IQSEC2: variants seen among roughly 807,000 people sequenced by gnomAD.
IQSEC2 encodes the protein IQ motif and Sec7 domain ArfGEF 2.
Under a neutral mutation model 74.6 loss-of-function variants are expected in IQSEC2, and 6 were observed. The observed-to-expected ratio is 0.08, with a 90% CI of 0.04 to 0.16. The LOEUF (loss-of-function observed/expected upper bound fraction) is 0.16, where lower values mean the gene tolerates loss of function less well. IQSEC2 is among the 10% of genes least tolerant of loss of function. The pLI is 1.00. For synonymous variants in IQSEC2, 494 were observed against 544.5 expected, an observed-to-expected ratio of 0.91 and a Z score of 1.29; for missense variants, 734 against 1,306.2, an observed-to-expected ratio of 0.56 and a Z score of 6.75.
At position 53,268,134 on chromosome X, in the gene IQSEC2, G is replaced by C. The variant is rs1308599902; in HGVS notation, c.738-12073C>G. On this transcript the variant is annotated intron_variant, in intron 2 of 14. Transcript: ENST00000642864. The stretch of plus-strand genomic sequence containing the variant: ...GGGCTGGGAGGGGACCAGGTGACTT[G>C]GGAGTGACAAGGCTGACCTTCTGGG... Among the ~76,000 whole-genome samples the C allele has an allele frequency of 2.7e-5, 3 of 111,394 alleles. No individual in the cohort carries two copies. In the Admixed American group the frequency reaches 2.9e-4, roughly 11 times the overall value.
intron 1 of IQSEC2, 44 bp from the exon 2 acceptor site, chrX:53,291,968 G>C: frequency 8.9e-7 from 1 of 1,121,994 alleles, no homozygotes; most frequent in South Asian, 2.0e-5. Context: ...GTCAGTATAC[G>C]CTCTCTTCTC....
Position 53,251,122 on chromosome X carries a change from C to T in IQSEC2, c.1454G>A (p.Gly485Glu), listed in dbSNP as rs1556863543. Residue 485 changes from glycine to glutamate, a missense_variant, in exon 5 of 15, where the codon GGG becomes GAG. Transcript: ENST00000642864. ...IDEALNCHPS[G>E]PMSEEPGSAQ... ...TGACCCTGGCTCCTCAGACATGGGC[C>T]CTGACGGGTGGCAGTTCAGGGCTTC... 2 of 1,210,042 alleles carry T rather than the reference C, an allele frequency of 1.7e-6. No individual in the cohort carries two copies. Among genetic ancestry groups the T allele is most frequent in the African/African-American group, 3.5e-5 (2 of 57,127 alleles).
rs147442708 is a variant in IQSEC2 at position 53,241,065 on chromosome X, C to T, written c.3015+719G>A. Among the ~76,000 whole-genome samples the T allele has an allele frequency of 3.9e-3, 432 of 111,407 alleles. 3 individuals are homozygous for T. Among genetic ancestry groups the T allele is most frequent in the African/African-American group, 0.014 (416 of 30,724 alleles). On this transcript the variant is annotated intron_variant, in intron 10 of 14. Coordinates refer to ENST00000642864, the MANE Select transcript of IQSEC2 (RefSeq NM_001111125.3). ...TGCTGGGATTACAGGCATGAGCCAC[C>T]GTGCCTGGCCCAAGCATCTTTTTTA... is the stretch of plus-strand genomic sequence containing the variant.
intron 1 of IQSEC2, among the ~76,000 whole-genome samples, chrX:53,310,450 C>T (rs782336374): frequency 9.0e-6 from 1 of 111,517 alleles, no homozygotes; most frequent in South Asian, 3.8e-4. Flanking sequence ...GCATTGTTAT[C>T]CCATTTTACA....
intron 1 of IQSEC2, among the ~76,000 whole-genome samples, chrX:53,300,442 C>T (rs1399522867): frequency 2.7e-5 from 3 of 110,835 alleles, no homozygotes; most frequent in African/African-American, 9.9e-5. Flanking sequence ...GTATCCTTTT[C>T]TTGACTCCAT....
intron 2 of IQSEC2, among the ~76,000 whole-genome samples, chrX:53,270,826 C>A (rs1244302148): frequency 1.8e-5 from 2 of 110,443 alleles, no homozygotes; most frequent in African/African-American, 6.6e-5. Context: ...CTCCTCTCTC[C>A]CCGGTTACCT....
At chrX:53,281,629 GGGGCCAGGCCAGCTGGGCTGC>G in intron 2 of IQSEC2, 1 of 944,139 alleles carries the variant, frequency 1.1e-6, no homozygotes, top group South Asian at 2.7e-5. Flanking sequence ...CCAAGAAGGC[GGGGCCAGGCCAGCTGGGCTGC>G]GGGCCAGATT....
At chrX:53,229,316 C>G (rs2146989199), downstream of IQSEC2, 1 of 111,472 alleles carries the variant, frequency 9.0e-6, no homozygotes, top group Non-Finnish European at 1.9e-5. Context: ...ATATATAACC[C>G]ATTGAGTAAA....
At chrX:53,302,669 G>A (rs1301324749) in intron 1 of IQSEC2, among the ~76,000 whole-genome samples, 4 of 112,130 alleles carry the variant, frequency 3.6e-5, no homozygotes, top group Admixed American at 9.4e-5. Context: ...CAGGCACGGC[G>A]GCTCATGCCT....
In IQSEC2 at chrX:53,248,124, C is replaced by T. The variant is rs1376121300; in HGVS notation, c.2572G>A (p.Glu858Lys). The change falls in exon 7 of 15, where the codon GAA becomes AAA. Residue 858 changes from glutamate to lysine, a missense_variant. Physicochemically the swap from Glu to Lys is moderately conservative, Grantham distance 56. Around this residue, in one of 12 missense-constraint regions of IQSEC2, gnomAD observed 18 missense variants for 46.7 expected, o/e 0.39. Transcript: ENST00000642864. ...GGGAGGTAGGCACACCTGAAGGCTT[C>T]GATGAGTCGCTCCACTTTCTGGGCC... ...GEAQKVERLI[E>K]AFSQRYCVCN... The T allele has an allele frequency of 8.3e-7, 1 of 1,209,315 alleles. No individual in the cohort carries two copies. Among genetic ancestry groups the T allele is most frequent in the East Asian group, 3.0e-5 (1 of 33,752 alleles).
At chrX:53,306,963 TGGAAG>T in intron 1 of IQSEC2, among the ~76,000 whole-genome samples, 1 of 110,855 alleles carries the variant, frequency 9.0e-6, no homozygotes, top group Admixed American at 9.6e-5. Flanking sequence ...CAGGGATAAA[TGGAAG>T]GTAAGTATAT....
intron 10 of IQSEC2, 67 bp from the exon 11 acceptor site, chrX:53,239,361 T>G: frequency 1.5e-6 from 1 of 651,014 alleles, no homozygotes; most frequent in Admixed American, 2.5e-5. Context: ...GTGGCACCTA[T>G]TTCTGGTAAC....
Position 53,250,967 on chromosome X carries a change from G to A in IQSEC2, c.1609C>T (p.Pro537Ser). The A allele has an allele frequency of 8.2e-7, 1 of 1,212,141 alleles. No individual in the cohort carries two copies. The highest frequency in any genetic ancestry group is 1.1e-6 in the Non-Finnish European group (1 of 895,538). ...QSPERLPSTE[P>S]PPQGRPEFWA... ...AACTCGGGCCGGCCCTGGGGTGGGG[G>A]TTCTGTGCTGGGCAGTCGCTCAGGG... The change falls in exon 5 of 15, where the codon CCC becomes TCC. Residue 537 changes from proline to serine, a missense_variant. Coordinates refer to ENST00000642864, the MANE Select transcript of IQSEC2 (RefSeq NM_001111125.3).
chrX:53,243,254 G>A lies in IQSEC2; in HGVS notation c.2889+78C>T, dbSNP rs192149576. On this transcript the variant is annotated intron_variant, in intron 9 of 14. Coordinates refer to ENST00000642864, the MANE Select transcript of IQSEC2 (RefSeq NM_001111125.3). ...CAGGTAAAGGGCACCTGGGGCTCAGGGAGGTGCAGTGACTTACCACTTAGT... is the reference window on the plus strand; with the variant it reads ...CAGGTAAAGGGCACCTGGGGCTCAGAGAGGTGCAGTGACTTACCACTTAGT... 5.0e-5 allele frequency: 44 copies of A among 875,023 alleles called. 1 individual carries two copies. In the East Asian group the frequency reaches 1.3e-3, roughly 27 times the overall value. The allele number at this position is 875,023 out of a possible 1,213,427, so 72.1% of individuals were successfully genotyped here.
intron 10 of IQSEC2, 125 bp downstream of exon 10, chrX:53,241,659 G>T (rs782324798): frequency 1.9e-5 from 18 of 942,830 alleles, no homozygotes; most frequent in Non-Finnish European, 2.7e-5. Flanking sequence ...CCATGCAGAT[G>T]GCATGGCAGA....
chrX:53,284,844 C>A (rs1379571536), intron 2 of IQSEC2, among the ~76,000 whole-genome samples: 1 of 111,641 alleles, frequency 9.0e-6, no homozygotes, highest in Non-Finnish European at 1.9e-5. Context: ...AGAATCCCAG[C>A]CTGCTGTTGG....
intron 2 of IQSEC2, among the ~76,000 whole-genome samples, chrX:53,262,959 C>G (rs1434607824): frequency 8.9e-6 from 1 of 112,601 alleles, no homozygotes; most frequent in Non-Finnish European, 1.9e-5. Context: ...GATGAAGTAA[C>G]CTGCCCAAAG....
intron 2 of IQSEC2, among the ~76,000 whole-genome samples, chrX:53,289,594 T>C (rs1198286429): frequency 1.8e-5 from 2 of 111,406 alleles, no homozygotes; most frequent in Non-Finnish European, 3.8e-5. Flanking sequence ...TCACCCTAAC[T>C]GGAGCGAATT....
At chrX:53,267,742 G>C (rs1467988899) in intron 2 of IQSEC2, among the ~76,000 whole-genome samples, 1 of 111,998 alleles carries the variant, frequency 8.9e-6, no homozygotes, top group Non-Finnish European at 1.9e-5. Flanking sequence ...CTCTACAAGT[G>C]GTTCCAGGCT....
Sources: gnomAD v4.1 joint callset for allele counts (sites outside exome capture counted in the v4.1 genomes callset) on GRCh38, gnomAD v4.1.1 for gene constraint, gnomAD v4.1.1 regional missense constraint, MANE v1.5 for transcripts, NCBI Gene and HGNC (gene_info 2026-07-23, HGNC 2026-07-21) for gene names.